The following MYLK4 variants were observed in gnomAD, a reference collection of about 807,000 sequenced individuals.
MYLK4 encodes the protein myosin light chain kinase family member 4, also known as caMLCK like.
MYLK4 carries 46 observed loss-of-function variants against 48.1 expected under a neutral mutation model. The ratio of observed to expected loss-of-function variants is 0.96; its 90% CI spans 0.75 to 1.22. The LOEUF (loss-of-function observed/expected upper bound fraction) is 1.22, where lower values mean the gene tolerates loss of function less well. Among genes scored for constraint, MYLK4 ranks in the 50% most tolerant of loss-of-function variants. MYLK4 has a pLI of 0.00. For synonymous variants in MYLK4, 170 were observed against 180.8 expected, an observed-to-expected ratio of 0.94 and a Z score of 0.48; for missense variants, 451 against 486.1, an observed-to-expected ratio of 0.93 and a Z score of 0.68.
At chr6:2,681,466 G>A (rs1761298212) in intron 7 of MYLK4, among the ~76,000 whole-genome samples, 1 of 152,220 alleles carries the variant, frequency 6.6e-6, no homozygotes, top group Admixed American at 6.5e-5. Flanking sequence ...GATGGATCAT[G>A]TATAAAGCTG....
chr6:2,727,637 C>T (rs550868585), intron 2 of MYLK4, among the ~76,000 whole-genome samples: 15 of 152,212 alleles, frequency 9.9e-5, no homozygotes, highest in South Asian at 2.1e-4. Context: ...ACTAATAAGA[C>T]GGTTCATATC....
At chr6:2,768,561 G>T in the MYLK4 span, 1 of 610,650 alleles carries the variant, frequency 1.6e-6, no homozygotes, top group East Asian at 3.0e-5. Flanking sequence ...TTGTTTCTGT[G>T]CTGCTCAGCA....
chr6:2,685,367 C>T lies in MYLK4; in HGVS notation c.474G>A (p.Leu158=). 6.2e-7 allele frequency: 1 copy of T among 1,613,712 alleles called. No homozygotes were observed. The change falls in exon 6 of 13, where the codon CTG becomes CTA. Residue 158 remains leucine (L), a synonymous_variant. Coordinates refer to ENST00000274643, the MANE Select transcript of MYLK4 (RefSeq NM_001012418.5). The surrounding 1 kb of genome is among the most constrained non-coding windows in gnomAD (Gnocchi z 4.5). ...ACAGCTGGATGAGGTTCGCGTGGTCCAGCTGGTTCATGACGCTGATCTCGT... is the reference window on the plus strand; with the variant it reads ...ACAGCTGGATGAGGTTCGCGTGGTCTAGCTGGTTCATGACGCTGATCTCGT... The part of the protein sequence containing the change: ...VKNEISVMNQ[L]DHANLIQLYD...
intron 2 of MYLK4, among the ~76,000 whole-genome samples, chr6:2,719,024 G>A (rs111856450): frequency 8.5e-5 from 13 of 152,304 alleles, no homozygotes; most frequent in African/African-American, 3.1e-4. Context: ...CCATCCCACT[G>A]ACATTACTTT....
chr6:2,702,573 T>C (rs1284366347), intron 2 of MYLK4, among the ~76,000 whole-genome samples: 1 of 152,160 alleles, frequency 6.6e-6, no homozygotes, highest in Non-Finnish European at 1.5e-5. Context: ...TAGTGAACTA[T>C]TGCACGGCTT....
chr6:2,700,375 C>A (rs1406124388), intron 2 of MYLK4, among the ~76,000 whole-genome samples: 1 of 152,204 alleles, frequency 6.6e-6, no homozygotes, highest in Non-Finnish European at 1.5e-5. Flanking sequence ...AACCCACCCA[C>A]ACCCCAGGGA....
At chr6:2,695,426 AG>A (rs1333003383) in intron 2 of MYLK4, among the ~76,000 whole-genome samples, 1 of 152,234 alleles carries the variant, frequency 6.6e-6, no homozygotes, top group African/African-American at 2.4e-5. Flanking sequence ...TCTGAGTATC[AG>A]GTGGAAAAGT....
intron 7 of MYLK4, among the ~76,000 whole-genome samples, chr6:2,682,033 T>G (rs1175730295): frequency 6.6e-6 from 1 of 152,190 alleles, no homozygotes; most frequent in Non-Finnish European, 1.5e-5. Flanking sequence ...GCTCTCCTCC[T>G]GCTCAAAAGT....
the MYLK4 span, among the ~76,000 whole-genome samples, chr6:2,757,223 C>T: frequency 1.5e-4 from 22 of 151,328 alleles, no homozygotes; most frequent in Middle Eastern, 3.4e-3. Flanking sequence ...CATAATAGGT[C>T]GCGAGCTTTT....
At chr6:2,749,918 C>T (rs1764228190) in intron 1 of MYLK4, among the ~76,000 whole-genome samples, 1 of 152,220 alleles carries the variant, frequency 6.6e-6, no homozygotes, top group African/African-American at 2.4e-5. Flanking sequence ...TCCTTACAGT[C>T]TTCTCACGTG....
chr6:2,688,257 C>T lies in MYLK4; in HGVS notation c.341+594G>A, dbSNP rs563099772. ...TATTTTTAATAGAGACGGGGTTTCACCATGTTGGCCAGGATGGTCTCGAAC... is the reference window on the plus strand; with the variant it reads ...TATTTTTAATAGAGACGGGGTTTCATCATGTTGGCCAGGATGGTCTCGAAC... On this transcript the variant is annotated intron_variant, in intron 4 of 12. Coordinates refer to ENST00000274643, the MANE Select transcript of MYLK4 (RefSeq NM_001012418.5). Among the ~76,000 whole-genome samples, 17 of 152,188 alleles carry T rather than the reference C, an allele frequency of 1.1e-4. 1 individual carries two copies. The South Asian group carries it at 3.5e-3, about 32-fold the overall frequency.
rs2113116102 is a variant in MYLK4 at position 2,680,207 on chromosome 6, C to T, written c.758+14G>A. 1 of 1,613,978 alleles carries T rather than the reference C, an allele frequency of 6.2e-7. No individual in the cohort carries two copies. Among genetic ancestry groups the T allele is most frequent in the East Asian group, 2.2e-5 (1 of 44,880 alleles). The stretch of plus-strand genomic sequence containing the variant: ...CCCAGCTCCATTCGTACACCTATGT[C>T]CAAATAGACATACCTTCTGGCCAAT... On this transcript the variant is annotated intron_variant, in intron 8 of 12. Transcript: ENST00000274643.
At chr6:2,691,907 A>G (rs746815585) in intron 3 of MYLK4, among the ~76,000 whole-genome samples, 4 of 152,238 alleles carry the variant, frequency 2.6e-5, no homozygotes, top group Non-Finnish European at 4.4e-5. Flanking sequence ...TATCCTTTCA[A>G]TAAGGCCTTA....
chr6:2,674,812 A>G (rs1051716632), intron 11 of MYLK4, among the ~76,000 whole-genome samples: 3 of 152,240 alleles, frequency 2.0e-5, no homozygotes, highest in Admixed American at 6.5e-5. Context: ...TGGACGTTGC[A>G]GTGAGCTGAG....
At chr6:2,764,738 C>A in the MYLK4 span, among the ~76,000 whole-genome samples, 1 of 152,208 alleles carries the variant, frequency 6.6e-6, no homozygotes, top group Non-Finnish European at 1.5e-5. Flanking sequence ...TACACAGCGG[C>A]CCGCGAGAAG....
At position 2,681,441 on chromosome 6, in the gene MYLK4, C is replaced by A. The variant is rs546822820; in HGVS notation, c.688-1150G>T. On this transcript the variant is annotated intron_variant, in intron 7 of 12. Coordinates refer to ENST00000274643, the MANE Select transcript of MYLK4 (RefSeq NM_001012418.5). ...GGGTGCTACGTGAACCATTTGGTTT[C>A]ATGCTTAAATCACTGATGGATCATG... Among the ~76,000 whole-genome samples, 14 of 152,268 alleles carry A rather than the reference C, an allele frequency of 9.2e-5. No individual in the cohort carries two copies. The South Asian group carries it at 2.5e-3, about 27-fold the overall frequency.
chr6:2,732,148 C>A (rs1336152439), intron 2 of MYLK4, among the ~76,000 whole-genome samples: 2 of 152,224 alleles, frequency 1.3e-5, no homozygotes, highest in Non-Finnish European at 2.9e-5. Context: ...TTCACGTAAT[C>A]AGACATGCCA....
chr6:2,716,263 A>G (rs933330488), intron 2 of MYLK4, among the ~76,000 whole-genome samples: 1 of 152,194 alleles, frequency 6.6e-6, no homozygotes, highest in African/African-American at 2.4e-5. Context: ...GTTAACCAAA[A>G]CATCATAAAT....
chr6:2,691,241 G>A (rs1761786220), intron 3 of MYLK4, among the ~76,000 whole-genome samples: 1 of 152,182 alleles, frequency 6.6e-6, no homozygotes, highest in Admixed American at 6.5e-5. Context: ...TGGCAGTGTT[G>A]AAGTTTCTTT....
Sources: allele counts gnomAD v4.1 joint callset (sites outside exome capture counted in the v4.1 genomes callset), GRCh38; gene constraint gnomAD v4.1.1; non-coding constraint Gnocchi (gnomAD v3.1); transcripts MANE v1.5; gene names NCBI Gene and HGNC (gene_info 2026-07-23, HGNC 2026-07-21).